POMGNT1: variants seen among roughly 807,000 people sequenced by gnomAD.
The protein encoded by POMGNT1 is protein O-linked-mannose beta-1,2-N-acetylglucosaminyltransferase 1.
In POMGNT1, 67 loss-of-function variants were observed where a neutral mutation model predicts 95.6. The observed-to-expected ratio is 0.70, with a 90% confidence interval of 0.58 to 0.86. The LOEUF is 0.86. Among genes scored for constraint, POMGNT1 ranks in the 40% least tolerant of loss-of-function variants. The probability of loss-of-function intolerance (pLI) is 0.00; values close to 1 mark genes in which losing one functional copy is unlikely to be tolerated. For synonymous variants in POMGNT1, 298 were observed against 317.9 expected, an observed-to-expected ratio of 0.94 and a Z score of 0.66; for missense variants, 719 against 855.2, an observed-to-expected ratio of 0.84 and a Z score of 1.99.
rs575941732 is a variant in POMGNT1, at chr1:46,191,136, G to T, written c.1540-352C>A. On this transcript the variant is annotated intron_variant, in intron 17 of 21. Transcript: ENST00000371984. ...TGCAGGAGGTGGTGGGCAAAGGGAC[G>T]GGCTGGGCTGGGAAGGAAAAAACTA... 416 of 351,768 alleles carry T rather than the reference G, an allele frequency of 1.2e-3. 6 individuals carry two copies. The Admixed American group carries it at 0.013, about 11-fold the overall frequency. The allele number at this position is 351,768 out of a possible 1,614,324, so 21.8% of individuals were successfully genotyped here. A position where few individuals can be genotyped will look rare whatever the true frequency, so the allele number is the denominator to read the frequency against.
At chr1:46,218,644 C>T (rs373153942) in intron 1 of POMGNT1, among the ~76,000 whole-genome samples, 6 of 152,180 alleles carry the variant, frequency 3.9e-5, no homozygotes, top group African/African-American at 1.4e-4. Context: ...GGCTCTTGAG[C>T]AGGGAGAGAC....
rs377614269 is a variant in POMGNT1 at position 46,217,721 on chromosome 1, G to A, written c.-51+1984C>T. On this transcript the variant is annotated intron_variant, in intron 1 of 22. Transcript: ENST00000371992. ...AAAATACAAAAATTAGCCAGGCGTG[G>A]TAGGTGATACTTGTAATCCCAGCTA... Among the ~76,000 whole-genome samples the A allele has an allele frequency of 5.1e-4, 78 of 152,270 alleles. 1 individual carries two copies. The South Asian group carries it at 0.015, about 29-fold the overall frequency.
chr1:46,193,123 T>C (rs1657916374), intron 13 of POMGNT1, 51 bp downstream of exon 13: 12 of 1,612,782 alleles, frequency 7.4e-6, no homozygotes, highest in Non-Finnish European at 9.3e-6. Flanking sequence ...CCAGACCTTA[T>C]GCCCATGTTT....
At chr1:46,193,746 T>G in intron 10 of POMGNT1, 107 bp from the exon 11 acceptor site, 2 of 1,597,602 alleles carry the variant, frequency 1.3e-6, no homozygotes, top group Non-Finnish European at 1.7e-6. Flanking sequence ...CAGAGGTGAA[T>G]GCGTCTAGAA....
intron 2 of POMGNT1, 120 bp from the exon 3 acceptor site, chr1:46,197,204 CTCT>C: frequency 1.3e-6 from 2 of 1,593,540 alleles, no homozygotes; most frequent in Non-Finnish European, 1.7e-6. Flanking sequence ...CTGTCCCTTC[CTCT>C]GTCTGCCTAG....
rs561244470 is a variant in POMGNT1, at chr1:46,193,104, G to A, written c.1152+70C>T. On this transcript the variant is annotated intron_variant, in intron 13 of 21. Transcript: ENST00000371984. ...CCCAGTGAGGGGAAGAGCTTGCCAC[G>A]TAACAGGCCCAGACCTTATGCCCAT... 3.4e-5 allele frequency: 54 copies of A among 1,609,630 alleles called. 2 individuals carry two copies. In the South Asian group the frequency reaches 4.7e-4, roughly 14 times the overall value.
At chr1:46,218,984 A>G (rs1293258304) in intron 1 of POMGNT1, among the ~76,000 whole-genome samples, 1 of 152,126 alleles carries the variant, frequency 6.6e-6, no homozygotes, top group Non-Finnish European at 1.5e-5. Context: ...TTTCTGGTGA[A>G]TATGGGCAGG....
chr1:46,216,389 C>G (rs935956821), intron 1 of POMGNT1, among the ~76,000 whole-genome samples: 2 of 151,782 alleles, frequency 1.3e-5, no homozygotes, highest in African/African-American at 4.8e-5. Flanking sequence ...GTCACCCAGG[C>G]TGGGTGCAGT....
At chr1:46,208,108 C>T (rs1314807337) in intron 1 of POMGNT1, among the ~76,000 whole-genome samples, 2 of 152,056 alleles carry the variant, frequency 1.3e-5, no homozygotes, top group African/African-American at 4.8e-5. Flanking sequence ...GATCTGCCTG[C>T]TTTGGCCTCC....
At chr1:46,203,358 C>T, upstream of POMGNT1, 1 of 1,386,402 alleles carries the variant, frequency 7.2e-7, no homozygotes, top group Non-Finnish European at 9.5e-7. Context: ...TTAGCAGCGG[C>T]GAAGGGAGGA....
intron 9 of POMGNT1, 66 bp downstream of exon 9, chr1:46,194,208 A>G (rs1658024279): frequency 2.5e-6 from 4 of 1,613,528 alleles, no homozygotes; most frequent in African/African-American, 1.3e-5. Flanking sequence ...AACCTAGATC[A>G]TTCCTGGGGC....
chr1:46,220,112 G>A (rs189814441), exon 1 of POMGNT1: 4 of 1,614,238 alleles, frequency 2.5e-6, no homozygotes, highest in Admixed American at 1.7e-5. Flanking sequence ...CCCCAGGGGA[G>A]AGGCTTCAAG....
chr1:46,190,882 C>T lies in POMGNT1; in HGVS notation c.1540-98G>A. 2.6e-6 allele frequency: 3 copies of T among 1,158,086 alleles called. No homozygotes were observed. In the South Asian group the frequency reaches 3.7e-5, roughly 14 times the overall value. 71.7% of individuals were successfully genotyped at this position (1,158,086 alleles called of 1,614,324 possible). ...CATCTATAAGACACACAAATGAAGTCCTAGACCTGTAAAGAGCCCTCTAAT... is the reference window on the plus strand; with the variant it reads ...CATCTATAAGACACACAAATGAAGTTCTAGACCTGTAAAGAGCCCTCTAAT... On this transcript the variant is annotated intron_variant, in intron 17 of 21. Transcript: ENST00000371984.
intron 1 of POMGNT1, among the ~76,000 whole-genome samples, chr1:46,212,568 A>G (rs1343312280): frequency 6.6e-6 from 1 of 151,588 alleles, no homozygotes; most frequent in African/African-American, 2.4e-5. Context: ...GGCGTGAGCC[A>G]CTGCACCCGG....
rs1389865857 is a variant in POMGNT1, at chr1:46,189,269, C to A, written c.*1G>T. The A allele has an allele frequency of 1.2e-6, 2 of 1,613,230 alleles. No individual in the cohort carries two copies. Among genetic ancestry groups the A allele is most frequent in the Non-Finnish European group, 8.5e-7 (1 of 1,179,612 alleles). On this transcript the variant is annotated 3_prime_UTR_variant, in exon 22 of 22. Transcript: ENST00000371984. ...AGCCCCGCAGGGTCCTGGAGGAGGTCTCATGTCTGTTCTGGGGCTCCTGGG... is the reference window on the plus strand; with the variant it reads ...AGCCCCGCAGGGTCCTGGAGGAGGTATCATGTCTGTTCTGGGGCTCCTGGG...
At chr1:46,195,426 C>T in intron 6 of POMGNT1, 1 of 375,262 alleles carries the variant, frequency 2.7e-6, no homozygotes, top group South Asian at 2.2e-5. Flanking sequence ...CAGGGGCCTT[C>T]TCTTTCTAAA....
At chr1:46,201,701 A>C (rs1658537958), upstream of POMGNT1, among the ~76,000 whole-genome samples, 1 of 150,554 alleles carries the variant, frequency 6.6e-6, no homozygotes, top group African/African-American at 2.4e-5. Context: ...CCATCTCAAA[A>C]AAAAAAAAAA....
At position 46,189,927 on chromosome 1, in the gene POMGNT1, T is replaced by C. The variant is rs1204034604; in HGVS notation, c.1712A>G (p.Glu571Gly). Reference protein sequence around the residue: ...PCEDSFLPDTEGHTYVAFIRM... With the variant: ...PCEDSFLPDTGGHTYVAFIRM... Reference sequence around the variant, plus strand: ...AATAAAGGCCACGTAGGTGTGGCCCTCTGTGTCTGGCAGGAAAGAGTCTTC... The same window carrying C: ...AATAAAGGCCACGTAGGTGTGGCCCCCTGTGTCTGGCAGGAAAGAGTCTTC... Residue 571 changes from glutamate to glycine, a missense_variant, in exon 20 of 22, where the codon GAG becomes GGG. Transcript: ENST00000371984. 11 of 1,614,072 alleles carry C rather than the reference T, an allele frequency of 6.8e-6. No homozygotes were observed. Among genetic ancestry groups the C allele is most frequent in the Non-Finnish European group, 9.3e-6 (11 of 1,180,010 alleles).
rs1657514936 is a variant in POMGNT1, at chr1:46,188,826, C to T, written c.*444G>A. On this transcript the variant is annotated 3_prime_UTR_variant, in exon 22 of 22. Coordinates refer to ENST00000371984, the MANE Select transcript of POMGNT1 (RefSeq NM_017739.4). ...GTCAGCATGTGGGCCCCAGCTGGGC[C>T]TGTCCATGGGTTGGGCACAGCAGTT... 2 of 1,612,812 alleles carry T rather than the reference C, an allele frequency of 1.2e-6. No homozygotes were observed. Among genetic ancestry groups the T allele is most frequent in the African/African-American group, 1.3e-5 (1 of 74,948 alleles).
Sources: allele counts gnomAD v4.1 joint callset (sites outside exome capture counted in the v4.1 genomes callset), GRCh38; gene constraint gnomAD v4.1.1; transcripts MANE v1.5; gene names NCBI Gene and HGNC (gene_info 2026-07-23, HGNC 2026-07-21).